The following TBC1D31 variants were observed in gnomAD, a reference collection of about 807,000 sequenced individuals.
The protein encoded by TBC1D31 is TBC1 domain family member 31.
A neutral mutation model predicts 132.9 loss-of-function variants in TBC1D31; 99 were observed. The ratio of observed to expected loss-of-function variants is 0.74; its 90% confidence interval spans 0.63 to 0.88. The LOEUF is 0.88. Ranked by LOEUF, TBC1D31 falls within the 40% of genes least tolerant of loss-of-function variation. TBC1D31 has a pLI of 0.00. For missense variants in TBC1D31, 1,134 were observed against 1,256.6 expected, an observed-to-expected ratio of 0.90 and a Z score of 1.48; for synonymous variants, 385 against 419.4, an observed-to-expected ratio of 0.92 and a Z score of 1.00.
chr8:123,120,469 C>G (rs1418248128), intron 11 of TBC1D31, among the ~76,000 whole-genome samples: 2 of 152,054 alleles, frequency 1.3e-5, no homozygotes, highest in Non-Finnish European at 2.9e-5. Context: ...GTCAGGAGTT[C>G]GAGACCAGCC....
downstream of TBC1D31, among the ~76,000 whole-genome samples, chr8:123,155,394 G>A (rs1235627337): frequency 6.6e-6 from 1 of 152,182 alleles, no homozygotes; most frequent in Non-Finnish European, 1.5e-5. This position sits in a 1 kb window ranked among gnomAD's most constrained non-coding sequence, Gnocchi z 4.1. Flanking sequence ...GGCAGCAGAG[G>A]CCAGGCAGAA....
chr8:123,120,784 A>C (rs1461723244), intron 11 of TBC1D31, among the ~76,000 whole-genome samples: 1 of 151,952 alleles, frequency 6.6e-6, no homozygotes, highest in Non-Finnish European at 1.5e-5. Flanking sequence ...TATTTTTCTA[A>C]TTTTTCCACA....
intron 4 of TBC1D31, among the ~76,000 whole-genome samples, chr8:123,091,525 T>A (rs533201261): frequency 6.6e-6 from 1 of 152,344 alleles, no homozygotes; most frequent in Non-Finnish European, 1.5e-5. Context: ...CTACCACAGA[T>A]TGTCTTTAGC....
chr8:123,159,313 C>G, the TBC1D31 span, among the ~76,000 whole-genome samples: 3 of 150,700 alleles, frequency 2.0e-5, no homozygotes, highest in Non-Finnish European at 4.4e-5. Context: ...GGAAACAACC[C>G]AAGTGTACAA....
intron 11 of TBC1D31, among the ~76,000 whole-genome samples, chr8:123,124,999 C>G (rs1028023609): frequency 4.0e-5 from 6 of 151,388 alleles, no homozygotes; most frequent in Admixed American, 6.6e-5. Flanking sequence ...AAAGCTCAGT[C>G]TTTGCAAGAT....
At chr8:123,153,916 C>G (rs1822925459), downstream of TBC1D31, among the ~76,000 whole-genome samples, 4 of 152,228 alleles carry the variant, frequency 2.6e-5, 1 homozygote, top group Admixed American at 2.0e-4. Flanking sequence ...TCAGCTAAAT[C>G]ACTCTCCACA....
intron 2 of TBC1D31, among the ~76,000 whole-genome samples, chr8:123,081,759 C>T (rs1452677107): frequency 2.0e-5 from 3 of 152,116 alleles, no homozygotes; most frequent in African/African-American, 7.2e-5. Flanking sequence ...GAAATGAAGA[C>T]CAAGGGAAAG....
intron 3 of TBC1D31, chr8:123,083,064 C>T (rs1379825087): frequency 2.5e-6 from 1 of 407,140 alleles, no homozygotes; most frequent in Non-Finnish European, 4.4e-6. Context: ...CAGGAAAGCA[C>T]TACACTTAAT....
At chr8:123,099,833 C>G (rs1817207324) in intron 6 of TBC1D31, among the ~76,000 whole-genome samples, 1 of 152,094 alleles carries the variant, frequency 6.6e-6, no homozygotes, top group African/African-American at 2.4e-5. Flanking sequence ...AGTCCAAGAT[C>G]TAGAGGTTGG....
intron 16 of TBC1D31, among the ~76,000 whole-genome samples, chr8:123,132,751 T>C (rs1820752777): frequency 6.6e-6 from 1 of 152,208 alleles, no homozygotes; most frequent in African/African-American, 2.4e-5. Flanking sequence ...ATCTATCATC[T>C]CTTTATAGCA....
At chr8:123,157,379 C>T in the TBC1D31 span, among the ~76,000 whole-genome samples, 3 of 152,270 alleles carry the variant, frequency 2.0e-5, no homozygotes, top group Middle Eastern at 6.8e-3. Context: ...TTTACTTTTA[C>T]TGCTGCTGTA....
intron 19 of TBC1D31, among the ~76,000 whole-genome samples, chr8:123,143,493 C>T (rs1821901530): frequency 2.0e-5 from 3 of 152,228 alleles, no homozygotes; most frequent in East Asian, 1.9e-4. Flanking sequence ...GAGATATTAT[C>T]GCAGGTACCA....
chr8:123,106,914 A>G (rs1817983388), intron 8 of TBC1D31, among the ~76,000 whole-genome samples: 1 of 152,234 alleles, frequency 6.6e-6, no homozygotes, highest in Non-Finnish European at 1.5e-5. Context: ...GCTTCCGGGA[A>G]TCTTCTCCCA....
At chr8:123,149,236 C>G (rs1822550337) in intron 20 of TBC1D31, among the ~76,000 whole-genome samples, 1 of 152,002 alleles carries the variant, frequency 6.6e-6, no homozygotes, top group Non-Finnish European at 1.5e-5. Context: ...TCCAGTCCCC[C>G]ACCAGTTCAA....
At chr8:123,156,320 A>G (rs377315244), downstream of TBC1D31, among the ~76,000 whole-genome samples, 21 of 152,100 alleles carry the variant, frequency 1.4e-4, no homozygotes, top group East Asian at 4.1e-3. Context: ...ACGTGCCTGT[A>G]GTCCCAGCTA....
At chr8:123,144,629 T>C (rs1284246903) in intron 19 of TBC1D31, 88 bp from the exon 20 acceptor site, 1 of 1,254,652 alleles carries the variant, frequency 8.0e-7, no homozygotes, top group Non-Finnish European at 1.1e-6. Context: ...GGAAAGTGGA[T>C]AGAGAAGACA....
intron 4 of TBC1D31, among the ~76,000 whole-genome samples, chr8:123,085,027 C>A (rs1586566553): frequency 2.0e-5 from 3 of 152,120 alleles, no homozygotes; most frequent in Middle Eastern, 6.8e-3. Flanking sequence ...TGGGCTCAAG[C>A]AATCCTCTTG....
intron 17 of TBC1D31, among the ~76,000 whole-genome samples, chr8:123,137,889 G>A (rs537457048): frequency 1.3e-5 from 2 of 152,328 alleles, no homozygotes; most frequent in South Asian, 4.1e-4. Flanking sequence ...AATTACTCAG[G>A]CCTACTGAGT....
intron 10 of TBC1D31, among the ~76,000 whole-genome samples, chr8:123,111,441 T>C (rs1237500887): frequency 6.6e-6 from 1 of 152,182 alleles, no homozygotes; most frequent in Non-Finnish European, 1.5e-5. Flanking sequence ...ACTTATTACC[T>C]TGGAGCTCCC....
Sources: gnomAD v4.1 joint callset for allele counts (sites outside exome capture counted in the v4.1 genomes callset) on GRCh38, gnomAD v4.1.1 for gene constraint, Gnocchi (gnomAD v3.1) non-coding constraint, MANE v1.5 for transcripts, NCBI Gene and HGNC (gene_info 2026-07-23, HGNC 2026-07-21) for gene names.